Variants in FAM241A observed in about 807,000 individuals in gnomAD.
FAM241A encodes family with sequence similarity 241 member A.
A neutral mutation model predicts 12.2 loss-of-function variants in FAM241A; 7 were observed. The ratio of observed to expected loss-of-function variants is 0.58; its 90% CI spans 0.33 to 1.08. The LOEUF (loss-of-function observed/expected upper bound fraction) is 1.08, where lower values mean the gene tolerates loss of function less well. FAM241A is among the 50% of genes least tolerant of loss of function. The pLI, the probability that FAM241A is intolerant of heterozygous loss-of-function variation, is 0.04. For synonymous variants in FAM241A, 74 were observed against 68.2 expected, an observed-to-expected ratio of 1.08 and a Z score of -0.42; for missense variants, 161 against 169.7, an observed-to-expected ratio of 0.95 and a Z score of 0.29.
At chr4:112,148,079 T>A (rs1340537336) in intron 1 of FAM241A, among the ~76,000 whole-genome samples, 1 of 152,146 alleles carries the variant, frequency 6.6e-6, no homozygotes, top group Admixed American at 6.6e-5. Flanking sequence ...TCAATGATTT[T>A]GTCAACACCT....
intron 1 of FAM241A, among the ~76,000 whole-genome samples, chr4:112,161,269 A>G (rs1723461477): frequency 1.3e-5 from 2 of 152,204 alleles, no homozygotes; most frequent in African/African-American, 4.8e-5. Context: ...AGCAAGAGCA[A>G]ACATATTCAA....
At chr4:112,176,678 TAAG>T (rs1404566415) in intron 1 of FAM241A, among the ~76,000 whole-genome samples, 4 of 152,198 alleles carry the variant, frequency 2.6e-5, no homozygotes, top group Non-Finnish European at 2.9e-5. Context: ...GGGTATCTTT[TAAG>T]AAGGATTTTG....
At chr4:112,172,189 C>T (rs1287229083) in intron 1 of FAM241A, among the ~76,000 whole-genome samples, 1 of 152,192 alleles carries the variant, frequency 6.6e-6, no homozygotes, top group Non-Finnish European at 1.5e-5. Context: ...CATTGCCCAA[C>T]ACATACTATT....
At chr4:112,166,002 A>G (rs182701857) in intron 1 of FAM241A, among the ~76,000 whole-genome samples, 38 of 152,090 alleles carry the variant, frequency 2.5e-4, no homozygotes, top group African/African-American at 7.2e-4. Context: ...CTGTATCAAA[A>G]TATCTCGTGC....
intron 1 of FAM241A, among the ~76,000 whole-genome samples, chr4:112,179,642 G>T (rs1029714588): frequency 6.6e-6 from 1 of 151,314 alleles, no homozygotes; most frequent in Non-Finnish European, 1.5e-5. Flanking sequence ...CACCAACCTG[G>T]CACATGTATA....
rs1453185476 is a variant in FAM241A, at chr4:112,190,766, C to T, written c.*3828C>T. On this transcript the variant is annotated 3_prime_UTR_variant, in exon 2 of 2. Coordinates refer to ENST00000309733, the MANE Select transcript of FAM241A (RefSeq NM_152400.3). ...GCCGAGAAGAATATAAACTTATTTA[C>T]AAACTATGACTTCAGGAGTATTGGT... is the stretch of plus-strand genomic sequence containing the variant. The T allele has an allele frequency of 6.6e-6, 1 of 150,970 alleles. No homozygotes were observed. The highest frequency in any genetic ancestry group is 1.9e-4 in the East Asian group (1 of 5,144). 9.4% of individuals were successfully genotyped at this position (150,970 alleles called of 1,614,324 possible).
intron 1 of FAM241A, among the ~76,000 whole-genome samples, chr4:112,182,983 C>T (rs1315108905): frequency 1.3e-5 from 2 of 150,254 alleles, no homozygotes; most frequent in Non-Finnish European, 3.0e-5. Flanking sequence ...TTTTGCCTGC[C>T]TGGAAACTGA....
At position 112,181,003 on chromosome 4, in the gene FAM241A, T is replaced by C. The variant is rs111872623; in HGVS notation, c.154-5690T>C. On this transcript the variant is annotated intron_variant, in intron 1 of 1. Transcript: ENST00000309733. ...AGAAAATAAGGATCACTTTCCAAAGTTGACCCAGAAGAGCTAGGAATAATT... is the reference window on the plus strand; with the variant it reads ...AGAAAATAAGGATCACTTTCCAAAGCTGACCCAGAAGAGCTAGGAATAATT... Among the ~76,000 whole-genome samples, 914 of 152,306 alleles carry C rather than the reference T, an allele frequency of 6.0e-3. 6 individuals carry two copies. Among genetic ancestry groups the C allele is most frequent in the African/African-American group, 0.02 (847 of 41,558 alleles).
At chr4:112,170,996 G>A (rs965311465) in intron 1 of FAM241A, among the ~76,000 whole-genome samples, 2 of 152,010 alleles carry the variant, frequency 1.3e-5, no homozygotes, top group African/African-American at 4.8e-5. Context: ...AAAGGTTAGA[G>A]ATTGGTTTTG....
In FAM241A at chr4:112,193,195, T is replaced by C. The variant is rs1724200729; in HGVS notation, c.*6257T>C. On this transcript the variant is annotated 3_prime_UTR_variant, in exon 2 of 2. Transcript: ENST00000309733. The stretch of plus-strand genomic sequence containing the variant: ...CTTTGCCCACTTTTTGATGGGGTTG[T>C]TTGTTTTTTTCTTGTAAATTTGTTT... 6.6e-6 allele frequency: 1 copy of C among 151,294 alleles called. No homozygotes were observed. Among genetic ancestry groups the C allele is most frequent in the Non-Finnish European group, 1.5e-5 (1 of 67,604 alleles). 9.4% of individuals were successfully genotyped at this position (151,294 alleles called of 1,614,324 possible). A position where few individuals can be genotyped will look rare whatever the true frequency, so the allele number is the denominator to read the frequency against.
At position 112,180,499 on chromosome 4, in the gene FAM241A, G is replaced by A. The variant is rs537602703; in HGVS notation, c.154-6194G>A. Among the ~76,000 whole-genome samples, 7 of 152,240 alleles carry A rather than the reference G, an allele frequency of 4.6e-5. No individual in the cohort carries two copies. The South Asian group carries it at 1.5e-3, about 32-fold the overall frequency. ...TGTTAACAACAGTTAAATGTAGGCA[G>A]TAAAAAATACAGGTGTTCATTATAC... On this transcript the variant is annotated intron_variant, in intron 1 of 1. Transcript: ENST00000309733.
chr4:112,176,674 C>T (rs541892567), intron 1 of FAM241A, among the ~76,000 whole-genome samples: 33 of 152,202 alleles, frequency 2.2e-4, no homozygotes, highest in African/African-American at 7.9e-4. Context: ...TTTGGGGTAT[C>T]TTTTAAGAAG....
rs1721714160 is a variant in FAM241A at position 112,193,863 on chromosome 4, A to G, written c.*6925A>G. On this transcript the variant is annotated 3_prime_UTR_variant, in exon 2 of 2. Coordinates refer to ENST00000309733, the MANE Select transcript of FAM241A (RefSeq NM_152400.3). ...TTTGGTTCCATATGAACTTTAAAGT[A>G]GTTTTTTCCAATTCTGTGAAGAAAG... The G allele has an allele frequency of 1.3e-5, 2 of 148,834 alleles. No individual in the cohort carries two copies. Among genetic ancestry groups the G allele is most frequent in the East Asian group, 2.0e-4 (1 of 5,092 alleles). The allele number at this position is 148,834 out of a possible 1,614,324, so 9.2% of individuals were successfully genotyped here.
intron 1 of FAM241A, among the ~76,000 whole-genome samples, chr4:112,183,604 GA>G (rs35758634): frequency 1.3e-5 from 2 of 149,174 alleles, no homozygotes; most frequent in South Asian, 2.1e-4. Flanking sequence ...CAAAAATACT[GA>G]AAAAAAAAGT....
chr4:112,164,510 A>T (rs1723553891), intron 1 of FAM241A, among the ~76,000 whole-genome samples: 1 of 151,976 alleles, frequency 6.6e-6, no homozygotes, highest in Non-Finnish European at 1.5e-5. Flanking sequence ...TGACAAGTTA[A>T]TGGGTGCAGC....
chr4:112,193,294 A>G lies in FAM241A; in HGVS notation c.*6356A>G, dbSNP rs1043989483. Reference sequence around the variant, plus strand: ...TGCGAAAATTTTCTGCCATTTTGTAAGTTGCCTGTTCACTCTGATGGTAGT... The same window carrying G: ...TGCGAAAATTTTCTGCCATTTTGTAGGTTGCCTGTTCACTCTGATGGTAGT... On this transcript the variant is annotated 3_prime_UTR_variant, in exon 2 of 2. Transcript: ENST00000309733. The G allele has an allele frequency of 1.4e-4, 21 of 152,098 alleles. No homozygotes were observed. The highest frequency in any genetic ancestry group is 1.9e-4 in the East Asian group (1 of 5,166). The allele number at this position is 152,098 out of a possible 1,614,324, so 9.4% of individuals were successfully genotyped here. A position where few individuals can be genotyped will look rare whatever the true frequency, so the allele number is the denominator to read the frequency against.
intron 1 of FAM241A, among the ~76,000 whole-genome samples, chr4:112,149,058 A>C (rs976691783): frequency 6.6e-6 from 1 of 152,202 alleles, no homozygotes; most frequent in African/African-American, 2.4e-5. Flanking sequence ...CTAAAGAAGA[A>C]AAAAGCCTTT....
chr4:112,159,549 A>G (rs187713735), intron 1 of FAM241A, among the ~76,000 whole-genome samples: 42 of 152,328 alleles, frequency 2.8e-4, no homozygotes, highest in African/African-American at 1.0e-3. Context: ...CTAGCAAACC[A>G]AATTCAACAA....
intron 1 of FAM241A, among the ~76,000 whole-genome samples, chr4:112,163,388 GA>G (rs1478895497): frequency 2.8e-4 from 43 of 152,176 alleles, no homozygotes; most frequent in African/African-American, 9.4e-4. Flanking sequence ...CAGAATGGGA[GA>G]AAAATTTTAC....
Sources: allele counts gnomAD v4.1 joint callset (sites outside exome capture counted in the v4.1 genomes callset), GRCh38; gene constraint gnomAD v4.1.1; transcripts MANE v1.5; gene names NCBI Gene and HGNC (gene_info 2026-07-23, HGNC 2026-07-21).